SEC14L5: variants seen among roughly 807,000 people sequenced by gnomAD.
The protein encoded by SEC14L5 is SEC14-like protein 5.
SEC14L5 carries 96 observed loss-of-function variants against 84.6 expected under a neutral mutation model. The observed-to-expected ratio is 1.13, with a 90% CI of 0.96 to 1.34. The LOEUF (loss-of-function observed/expected upper bound fraction) is 1.34, where lower values mean the gene tolerates loss of function less well. Ranked by LOEUF, SEC14L5 falls within the 40% of genes most tolerant of loss-of-function variation. SEC14L5 has a pLI of 0.00. For missense variants in SEC14L5, 1,224 were observed against 942.5 expected (o/e 1.30, Z -3.91); for synonymous variants, 546 against 383.4 (o/e 1.42, Z -4.95).
intron 8 of SEC14L5, among the ~76,000 whole-genome samples, chr16:4,998,724 C>T (rs1412433724): frequency 4.5e-5 from 5 of 111,080 alleles, no homozygotes; most frequent in Middle Eastern, 9.4e-3. Flanking sequence ...GGCGACAGAG[C>T]GAGACTCCGT....
intron 2 of SEC14L5, among the ~76,000 whole-genome samples, chr16:4,973,606 T>C (rs1955304924): frequency 6.6e-6 from 1 of 151,928 alleles, no homozygotes; most frequent in South Asian, 2.1e-4. Context: ...ACAGATGGGC[T>C]GAAAACATTG....
chr16:4,974,810 C>G (rs1370106106), intron 2 of SEC14L5, among the ~76,000 whole-genome samples: 1 of 152,074 alleles, frequency 6.6e-6, no homozygotes, highest in East Asian at 1.9e-4. Flanking sequence ...TGGAGTCTCA[C>G]TCTGTCACCC....
intron 2 of SEC14L5, among the ~76,000 whole-genome samples, chr16:4,966,411 G>A (rs1378595156): frequency 6.7e-6 from 1 of 149,614 alleles, no homozygotes; most frequent in Non-Finnish European, 1.5e-5. Context: ...GTAGCTGGGA[G>A]TACAAGTGCC....
chr16:5,014,166 C>T (rs891989712), intron 15 of SEC14L5, among the ~76,000 whole-genome samples: 5 of 152,242 alleles, frequency 3.3e-5, no homozygotes, highest in Admixed American at 6.5e-5. Context: ...GTGCCTCAGT[C>T]GCATGGGCCA....
intron 2 of SEC14L5, among the ~76,000 whole-genome samples, chr16:4,962,686 CAAAA>C (rs761644374): frequency 2.5e-5 from 2 of 81,264 alleles, no homozygotes; most frequent in African/African-American, 8.4e-5. Flanking sequence ...AACTCTGTCT[CAAAA>C]AAAAAAAAAA....
At position 5,005,312 on chromosome 16, in the gene SEC14L5, C is replaced by T. The variant is rs571925363; in HGVS notation, c.1303-602C>T. Among the ~76,000 whole-genome samples, 13 of 151,668 alleles carry T rather than the reference C, an allele frequency of 8.6e-5. No homozygotes were observed. The East Asian group carries it at 2.5e-3, about 30-fold the overall frequency. ...CCTGGGAGACAGAGCGAGACTCTGTCTCCGAAACAAAAACAAAAAAGAAAC... is the reference window on the plus strand; with the variant it reads ...CCTGGGAGACAGAGCGAGACTCTGTTTCCGAAACAAAAACAAAAAAGAAAC... On this transcript the variant is annotated intron_variant, in intron 11 of 15. Transcript: ENST00000251170.
chr16:4,987,716 C>T lies in SEC14L5; in HGVS notation c.213+10C>T, dbSNP rs1350321478. On this transcript the variant is annotated intron_variant, in intron 3 of 15. Coordinates refer to ENST00000251170, the MANE Select transcript of SEC14L5 (RefSeq NM_014692.2). ...GCGGCTGCTGCGGAAGGTGGGCGGCCCTGGGGCTGGGGGGCGGAGGAGGGG... is the reference window on the plus strand; with the variant it reads ...GCGGCTGCTGCGGAAGGTGGGCGGCTCTGGGGCTGGGGGGCGGAGGAGGGG... 2.0e-6 allele frequency: 3 copies of T among 1,496,830 alleles called. No homozygotes were observed. The highest frequency in any genetic ancestry group is 2.6e-5 in the South Asian group (2 of 76,510). 92.7% of individuals were successfully genotyped at this position (1,496,830 alleles called of 1,614,324 possible). A position where few individuals can be genotyped will look rare whatever the true frequency, so the allele number is the denominator to read the frequency against.
At position 5,003,415 on chromosome 16, in the gene SEC14L5, C is replaced by T. The variant is rs1420693164; in HGVS notation, c.1144C>T (p.Leu382=). Residue 382 remains leucine (L), a synonymous_variant, in exon 11 of 16, where the codon CTG becomes TTG. Coordinates refer to ENST00000251170, the MANE Select transcript of SEC14L5 (RefSeq NM_014692.2). The part of the protein sequence containing the change: ...LGRPISSWTC[L]LDLEGLNMRH... ...TTTCTGCCACAGCTCCTGGACCTGC[C>T]TGCTAGACCTGGAGGGACTCAACAT... 2 of 1,612,996 alleles carry T rather than the reference C, an allele frequency of 1.2e-6. No homozygotes were observed. Among genetic ancestry groups the T allele is most frequent in the Admixed American group, 1.7e-5 (1 of 59,994 alleles).
intron 6 of SEC14L5, among the ~76,000 whole-genome samples, chr16:4,995,074 G>C (rs557094171): frequency 6.6e-6 from 1 of 152,304 alleles, no homozygotes; most frequent in African/African-American, 2.4e-5. Flanking sequence ...TGTTTACCTA[G>C]ATGGCTCCTG....
intron 14 of SEC14L5, chr16:5,010,765 C>G (rs185549078): frequency 3.3e-6 from 1 of 303,820 alleles, no homozygotes; most frequent in African/African-American, 2.1e-5. Context: ...TCCTAATCCC[C>G]TTGGTTTGCA....
intron 2 of SEC14L5, among the ~76,000 whole-genome samples, chr16:4,969,301 T>C (rs1012233686): frequency 1.3e-5 from 2 of 152,248 alleles, no homozygotes; most frequent in Non-Finnish European, 2.9e-5. Context: ...GAGTTTTTGC[T>C]GTGTGCCGAA....
Position 5,006,003 on chromosome 16 carries a change from T to C in SEC14L5, c.1392T>C (p.Tyr464=). 1.9e-6 allele frequency: 3 copies of C among 1,613,804 alleles called. No homozygotes were observed. Among genetic ancestry groups the C allele is most frequent in the Non-Finnish European group, 2.5e-6 (3 of 1,179,798 alleles). Residue 464 remains tyrosine (Y), a synonymous_variant, in exon 12 of 16, where the codon TAT becomes TAC. Transcript: ENST00000251170. ...AGGGACCCGGAGGCCTTGTGGACTA[T>C]CTGGATAGAGAAGTGATCCCTGACT... ...NYQGPGGLVD[Y]LDREVIPDFL...
At chr16:5,002,953 G>C (rs755746659) in intron 10 of SEC14L5, among the ~76,000 whole-genome samples, 7 of 152,228 alleles carry the variant, frequency 4.6e-5, no homozygotes, top group East Asian at 1.9e-4. Flanking sequence ...TGATGACCTT[G>C]AGCAGTAGGA....
In SEC14L5 at chr16:4,987,693, G is replaced by A; in HGVS notation, c.200G>A (p.Arg67Gln). 6.5e-7 allele frequency: 1 copy of A among 1,528,478 alleles called. No homozygotes were observed. The highest frequency in any genetic ancestry group is 8.8e-7 in the Non-Finnish European group (1 of 1,142,076). 94.7% of individuals were successfully genotyped at this position (1,528,478 alleles called of 1,614,324 possible). Residue 67 changes from arginine (R) to glutamine (Q), a missense_variant, in exon 3 of 16, where the codon CGG becomes CAG. Arg to Gln is a conservative substitution (Grantham distance 43). Transcript: ENST00000251170. Reference sequence around the variant, plus strand: ...TGCCGGCTGCGCGTGGACGCCCCGCGGCTGCTGCGGAAGGTGGGCGGCCCT... The same window carrying A: ...TGCCGGCTGCGCGTGGACGCCCCGCAGCTGCTGCGGAAGGTGGGCGGCCCT... ...RSCRLRVDAPRLLRKIAGVEH... is the reference protein window; with the variant it reads ...RSCRLRVDAPQLLRKIAGVEH...
At chr16:4,973,980 G>C (rs1425989040) in intron 2 of SEC14L5, among the ~76,000 whole-genome samples, 1 of 152,004 alleles carries the variant, frequency 6.6e-6, no homozygotes, top group African/African-American at 2.4e-5. Flanking sequence ...CACCTCACCA[G>C]GCCTTATATG....
chr16:4,963,203 G>C (rs991309111), intron 2 of SEC14L5, among the ~76,000 whole-genome samples: 3 of 152,170 alleles, frequency 2.0e-5, no homozygotes, highest in African/African-American at 4.8e-5. Context: ...AACCTTTCTA[G>C]ACCTGGCTTT....
chr16:5,011,924 T>G (rs771248028), intron 15 of SEC14L5, among the ~76,000 whole-genome samples: 8 of 152,192 alleles, frequency 5.3e-5, no homozygotes, highest in Non-Finnish European at 1.2e-4. Context: ...TCTTCAAGGT[T>G]TTGCATTCTG....
rs1050575299 is a variant in SEC14L5 at position 4,969,820 on chromosome 16, C to CT, written c.63+10450dup. 4.5e-3 allele frequency among the ~76,000 whole-genome samples: 630 copies of CT among 141,270 alleles called. 2 individuals are homozygous for CT. Among genetic ancestry groups the CT allele is most frequent in the African/African-American group, 0.011 (442 of 38,518 alleles). 92.7% of individuals were successfully genotyped at this position (141,270 alleles called of 152,430 possible). ...TGTCTTGTCTGGTTCTTTTTCTTTC[C>CT]TTTTTTTTTTTTTTTTGAGACTGGT... On this transcript the variant is annotated intron_variant, in intron 2 of 15. Transcript: ENST00000251170.
chr16:4,973,266 A>C (rs914415656), intron 2 of SEC14L5, among the ~76,000 whole-genome samples: 25 of 152,192 alleles, frequency 1.6e-4, no homozygotes, highest in Middle Eastern at 3.2e-3. Flanking sequence ...CCCTGGCTGC[A>C]GACGCTGTTC....
Sources: allele counts gnomAD v4.1 joint callset (sites outside exome capture counted in the v4.1 genomes callset), GRCh38; gene constraint gnomAD v4.1.1; transcripts MANE v1.5; gene names NCBI Gene and HGNC (gene_info 2026-07-23, HGNC 2026-07-21).